The following NLRP1 variants were observed in gnomAD, a reference collection of about 807,000 sequenced individuals.
NLRP1 encodes the protein NLR family pyrin domain containing 1, also known as NACHT, LRR and PYD domains-containing protein 1.
A neutral mutation model predicts 136.7 loss-of-function variants in NLRP1; 94 were observed. That is an observed-to-expected ratio of 0.69 (90% CI 0.58 to 0.82). The LOEUF (loss-of-function observed/expected upper bound fraction) is 0.82, where lower values mean the gene tolerates loss of function less well. Among genes scored for constraint, NLRP1 ranks in the 40% least tolerant of loss-of-function variants. NLRP1 has a pLI of 0.00. For synonymous variants in NLRP1, 690 were observed against 725.1 expected (o/e 0.95, Z 0.78); for missense variants, 1,575 against 1,802.7 (o/e 0.87, Z 2.29).
chr17:5,555,341 G>A (rs1156271726), intron 4 of NLRP1, among the ~76,000 whole-genome samples: 1 of 151,998 alleles, frequency 6.6e-6, no homozygotes, highest in Non-Finnish European at 1.5e-5. Context: ...CTTTCTTCCT[G>A]AACTTTCTTG....
chr17:5,517,021 T>C (rs1459783012), intron 15 of NLRP1, among the ~76,000 whole-genome samples: 1 of 152,176 alleles, frequency 6.6e-6, no homozygotes, highest in Non-Finnish European at 1.5e-5. Flanking sequence ...ACCTCAAAAA[T>C]ACTGAGCGAT....
chr17:5,550,075 A>C (rs1208633690), intron 5 of NLRP1, among the ~76,000 whole-genome samples: 1 of 152,054 alleles, frequency 6.6e-6, no homozygotes, highest in East Asian at 1.9e-4. Flanking sequence ...AATCCTTTTT[A>C]TATGTTGCCA....
intron 3 of NLRP1, among the ~76,000 whole-genome samples, chr17:5,576,341 G>A (rs1263329015): frequency 6.6e-6 from 1 of 152,134 alleles, no homozygotes; most frequent in African/African-American, 2.4e-5. Flanking sequence ...CCAGGAGCTG[G>A]TTTTTTGAAA....
Position 5,582,653 on chromosome 17 carries a change from G to A in NLRP1, c.448+17C>T. Reference sequence around the variant, plus strand: ...CAGCTCCACCCAGGGCTGTCAGCCTGCCTCAGCAAGCCTCACCTCTCCAGC... The same window carrying A: ...CAGCTCCACCCAGGGCTGTCAGCCTACCTCAGCAAGCCTCACCTCTCCAGC... On this transcript the variant is annotated intron_variant, in intron 2 of 16. Coordinates refer to ENST00000572272, the MANE Select transcript of NLRP1 (RefSeq NM_033004.4). 6.2e-7 allele frequency: 1 copy of A among 1,613,010 alleles called. No homozygotes were observed. Among genetic ancestry groups the A allele is most frequent in the Non-Finnish European group, 8.5e-7 (1 of 1,179,404 alleles).
chr17:5,578,133 G>A (rs1305945069), intron 3 of NLRP1, among the ~76,000 whole-genome samples: 25 of 152,152 alleles, frequency 1.6e-4, no homozygotes, highest in Admixed American at 5.2e-4. Flanking sequence ...AGACTTAAAT[G>A]TCAGACCTAA....
chr17:5,530,423 C>T lies in NLRP1; in HGVS notation c.3520+58G>A, dbSNP rs139703734. The T allele has an allele frequency of 3.5e-3, 5,105 of 1,479,636 alleles. 16 individuals carry two copies. The highest frequency in any genetic ancestry group is 5.9e-3 in the African/African-American group (428 of 72,330). The allele number at this position is 1,479,636 out of a possible 1,614,324, so 91.7% of individuals were successfully genotyped here. A position where few individuals can be genotyped will look rare whatever the true frequency, so the allele number is the denominator to read the frequency against. ...TCTCCCAGGAGATTATCATTCTACA[C>T]TCCCTTTCAGGCCCATAATTACCAC... On this transcript the variant is annotated intron_variant, in intron 12 of 16. Transcript: ENST00000572272.
chr17:5,537,091 G>C lies in NLRP1; in HGVS notation c.2871-151C>G. 1.6e-6 allele frequency: 1 copy of C among 620,528 alleles called. No homozygotes were observed. The highest frequency in any genetic ancestry group is 2.8e-5 in the East Asian group (1 of 36,274). The allele number at this position is 620,528 out of a possible 1,614,324, so 38.4% of individuals were successfully genotyped here. A position where few individuals can be genotyped will look rare whatever the true frequency, so the allele number is the denominator to read the frequency against. Reference sequence around the variant, plus strand: ...CAGGCTCTGAGGAGGAGGGTACAGTGAGGAGATTCATTAGGGTGTGTTCTT... The same window carrying C: ...CAGGCTCTGAGGAGGAGGGTACAGTCAGGAGATTCATTAGGGTGTGTTCTT... On this transcript the variant is annotated intron_variant, in intron 7 of 16. Transcript: ENST00000572272. The surrounding 1 kb of genome is among the most constrained non-coding windows in gnomAD (Gnocchi z 4.5).
At position 5,520,138 on chromosome 17, in the gene NLRP1, G is replaced by A. The variant is rs1293938371; in HGVS notation, c.3915+743C>T. On this transcript the variant is annotated intron_variant, in intron 14 of 16. Transcript: ENST00000572272. ...CCCAAAATGCTGGGATTACAGGCGT[G>A]AGCCACCGCGCCTGGCTGTAAATCA... is the stretch of plus-strand genomic sequence containing the variant. Among the ~76,000 whole-genome samples, 6 of 152,204 alleles carry A rather than the reference G, an allele frequency of 3.9e-5. No individual in the cohort carries two copies. The South Asian group carries it at 1.0e-3, about 26-fold the overall frequency.
Position 5,520,733 on chromosome 17 carries a change from G to A in NLRP1, c.3915+148C>T, listed in dbSNP as rs547089591. The A allele has an allele frequency of 1.3e-4, 93 of 702,732 alleles. 1 individual carries two copies. In the South Asian group the frequency reaches 2.4e-3, roughly 18 times the overall value. 43.5% of individuals were successfully genotyped at this position (702,732 alleles called of 1,614,324 possible). ...AACTTTCTTTCTCCTAGTCTTGGAA[G>A]CATTCCCACTTTCTCTAAATCCCAC... is the stretch of plus-strand genomic sequence containing the variant. On this transcript the variant is annotated intron_variant, in intron 14 of 16. Coordinates refer to ENST00000572272, the MANE Select transcript of NLRP1 (RefSeq NM_033004.4).
At chr17:5,513,488 G>T (rs1907764891), downstream of NLRP1, among the ~76,000 whole-genome samples, 1 of 152,172 alleles carries the variant, frequency 6.6e-6, no homozygotes, top group African/African-American at 2.4e-5. Context: ...CAGGTGTTCG[G>T]ACGGTTCAAG....
chr17:5,544,412 TGGGGTG>T (rs1467330057), intron 5 of NLRP1, among the ~76,000 whole-genome samples: 2 of 152,174 alleles, frequency 1.3e-5, no homozygotes, highest in African/African-American at 4.8e-5. Flanking sequence ...TGCTTTAGGC[TGGGGTG>T]GTGGCCCATG....
At chr17:5,536,391 C>A (rs1182150935) in intron 8 of NLRP1, among the ~76,000 whole-genome samples, 1 of 151,464 alleles carries the variant, frequency 6.6e-6, no homozygotes, top group African/African-American at 2.4e-5. Flanking sequence ...TCATGATCCA[C>A]CTGCCTCAGC....
At chr17:5,522,398 T>G (rs1909014777) in intron 12 of NLRP1, among the ~76,000 whole-genome samples, 1 of 152,232 alleles carries the variant, frequency 6.6e-6, no homozygotes, top group Non-Finnish European at 1.5e-5. Context: ...TGCTTGTCCC[T>G]TCCACCCTGT....
intron 4 of NLRP1, among the ~76,000 whole-genome samples, chr17:5,557,881 A>G (rs1337065933): frequency 6.6e-6 from 1 of 152,118 alleles, no homozygotes; most frequent in Admixed American, 6.5e-5. Context: ...GATGGGGAAG[A>G]TCTCAGGGCC....
intron 5 of NLRP1, among the ~76,000 whole-genome samples, chr17:5,548,195 C>T (rs1448442708): frequency 2.0e-5 from 3 of 152,214 alleles, no homozygotes; most frequent in Non-Finnish European, 4.4e-5. Flanking sequence ...ACATCCAACA[C>T]CTCAACCCTC....
downstream of NLRP1, chr17:5,512,402 T>C: frequency 9.9e-7 from 1 of 1,013,192 alleles, no homozygotes; most frequent in Non-Finnish European, 1.6e-6. Flanking sequence ...CTAGTGCCCA[T>C]ATCTTGATTT....
At chr17:5,580,350 A>G (rs1225766101) in intron 3 of NLRP1, among the ~76,000 whole-genome samples, 1 of 152,246 alleles carries the variant, frequency 6.6e-6, no homozygotes, top group Admixed American at 6.5e-5. Flanking sequence ...GATAATCTGT[A>G]CACCAAACAC....
chr17:5,535,434 C>T (rs1910920341), intron 8 of NLRP1, among the ~76,000 whole-genome samples: 1 of 152,208 alleles, frequency 6.6e-6, no homozygotes. Flanking sequence ...AGAGCCTCTA[C>T]TTCTGCCTGG....
chr17:5,570,375 GAA>G (rs34903859), intron 3 of NLRP1, among the ~76,000 whole-genome samples: 1 of 147,968 alleles, frequency 6.8e-6, no homozygotes, highest in Non-Finnish European at 1.5e-5. Flanking sequence ...GACTAATAAA[GAA>G]AAAAAAAAGA....
Sources: gnomAD v4.1 joint callset for allele counts (sites outside exome capture counted in the v4.1 genomes callset) on GRCh38, gnomAD v4.1.1 for gene constraint, Gnocchi (gnomAD v3.1) non-coding constraint, MANE v1.5 for transcripts, NCBI Gene and HGNC (gene_info 2026-07-23, HGNC 2026-07-21) for gene names.